The following PAGR1 variants were observed in gnomAD, a reference collection of about 807,000 sequenced individuals.
PAGR1 encodes the protein PAXIP1 associated glutamate rich protein 1, also known as PAXIP1-associated glutamate-rich protein 1.
A neutral mutation model predicts 22.4 loss-of-function variants in PAGR1; 20 were observed. The ratio of observed to expected loss-of-function variants is 0.89; its 90% CI spans 0.63 to 1.30. The LOEUF (loss-of-function observed/expected upper bound fraction) is 1.30, where lower values mean the gene tolerates loss of function less well. Ranked by LOEUF, PAGR1 falls within the 50% of genes most tolerant of loss-of-function variation. PAGR1 has a pLI of 0.00. For missense variants in PAGR1, 338 were observed against 343.6 expected, an observed-to-expected ratio of 0.98 and a Z score of 0.13; for synonymous variants, 161 against 148.3, an observed-to-expected ratio of 1.09 and a Z score of -0.62.
intron 2 of PAGR1, 122 bp downstream of exon 2, chr16:29,817,414 A>T: frequency 3.9e-6 from 3 of 774,086 alleles, no homozygotes; most frequent in Non-Finnish European, 4.3e-6. Context: ...GCTGCAGGAG[A>T]GAGTATTCAC....
Position 29,819,851 on chromosome 16 carries a change from G to C in PAGR1, c.*97G>C. On this transcript the variant is annotated 3_prime_UTR_variant, in exon 3 of 3. Transcript: ENST00000320330. The stretch of plus-strand genomic sequence containing the variant: ...GACATTGAGAAACTTGGGAAGAAGA[G>C]AGAAACCTCAAGCTCCCAAACAGCA... 1.5e-6 allele frequency: 2 copies of C among 1,348,484 alleles called. No homozygotes were observed. Among genetic ancestry groups the C allele is most frequent in the Non-Finnish European group, 2.0e-6 (2 of 1,003,598 alleles). 83.5% of individuals were successfully genotyped at this position (1,348,484 alleles called of 1,614,324 possible). A position where few individuals can be genotyped will look rare whatever the true frequency, so the allele number is the denominator to read the frequency against.
Position 29,820,101 on chromosome 16 carries a change from GCTATCATCT to G in PAGR1, c.*350_*358del, listed in dbSNP as rs1438140634. On this transcript the variant is annotated 3_prime_UTR_variant, in exon 3 of 3. Coordinates refer to ENST00000320330, the MANE Select transcript of PAGR1 (RefSeq NM_024516.4). ...CTGAGTCTGAAATAAAAGATGCAGA[GCTATCATCT>G]CTTAAAAGGAGGGGCTGTAGCTGTA... 1 of 225,378 alleles carries G rather than the reference GCTATCATCT, an allele frequency of 4.4e-6. No individual in the cohort carries two copies. The allele number at this position is 225,378 out of a possible 1,614,324, so 14.0% of individuals were successfully genotyped here. A position where few individuals can be genotyped will look rare whatever the true frequency, so the allele number is the denominator to read the frequency against.
intron 2 of PAGR1, 156 bp from the exon 3 acceptor site, chr16:29,819,399 C>G: frequency 1.4e-6 from 1 of 705,062 alleles, no homozygotes; most frequent in Non-Finnish European, 2.5e-6. Context: ...TGCTTCTCAC[C>G]CTCTCTGAGG....
chr16:29,817,645 T>C (rs1900278246), intron 2 of PAGR1, among the ~76,000 whole-genome samples: 1 of 151,886 alleles, frequency 6.6e-6, no homozygotes, highest in Non-Finnish European at 1.5e-5. Flanking sequence ...GGCCAATTTT[T>C]GTATTTTTAG....
chr16:29,822,224 T>G lies in PAGR1; in HGVS notation c.*2470T>G, dbSNP rs2067368048. On this transcript the variant is annotated 3_prime_UTR_variant, in exon 3 of 3. Transcript: ENST00000320330. ...CTAGGCGGTTCTTGCCTCTGGTGAC[T>G]GGTGTTAATTGGCAGGAGTGGGAGG... Among the ~76,000 whole-genome samples, 1 of 151,452 alleles carries G rather than the reference T, an allele frequency of 6.6e-6. No homozygotes were observed. Among genetic ancestry groups the G allele is most frequent in the African/African-American group, 2.4e-5 (1 of 41,200 alleles).
At chr16:29,818,745 TAG>T (rs936154433) in intron 2 of PAGR1, among the ~76,000 whole-genome samples, 8 of 151,874 alleles carry the variant, frequency 5.3e-5, no homozygotes, top group Admixed American at 5.2e-4. Flanking sequence ...TATTTTCTAG[TAG>T]AGAGGGGGTT....
chr16:29,819,760 A>G lies in PAGR1; in HGVS notation c.*6A>G. On this transcript the variant is annotated 3_prime_UTR_variant, in exon 3 of 3. Coordinates refer to ENST00000320330, the MANE Select transcript of PAGR1 (RefSeq NM_024516.4). ...CTCGGCAGCGGAAATACTGATTCCC[A>G]CTGCTCCTGCCTCTAGGGTGCAGTG... The G allele has an allele frequency of 6.2e-7, 1 of 1,605,564 alleles. No individual in the cohort carries two copies. The highest frequency in any genetic ancestry group is 8.5e-7 in the Non-Finnish European group (1 of 1,173,886).
Position 29,816,490 on chromosome 16 carries a change from G to T in PAGR1, c.-36G>T. On this transcript the variant is annotated 5_prime_UTR_variant, in exon 1 of 3. Transcript: ENST00000320330. ...TGGGGGACCCTGGCTTCGGACTCCA[G>T]TATCTGTCGTCGCAGGGTCCCTGCC... The T allele has an allele frequency of 6.8e-7, 1 of 1,460,256 alleles. No individual in the cohort carries two copies. Among genetic ancestry groups the T allele is most frequent in the Non-Finnish European group, 9.0e-7 (1 of 1,105,058 alleles). The allele number at this position is 1,460,256 out of a possible 1,614,324, so 90.5% of individuals were successfully genotyped here.
At chr16:29,819,508 T>C (rs11864180) in intron 2 of PAGR1, 47 bp from the exon 3 acceptor site, 229,034 of 1,598,482 alleles carry the variant, frequency 0.14, 17,523 homozygotes, top group African/African-American at 0.24. Flanking sequence ...AGGTATGGTG[T>C]ACACCACCTC....
At chr16:29,817,813 G>T (rs1006726294) in intron 2 of PAGR1, among the ~76,000 whole-genome samples, 1 of 151,926 alleles carries the variant, frequency 6.6e-6, no homozygotes, top group East Asian at 1.9e-4. Context: ...CAAAAAATTA[G>T]CCGGGCATAG....
Position 29,820,048 on chromosome 16 carries a change from AC to A in PAGR1, c.*296del. On this transcript the variant is annotated 3_prime_UTR_variant, in exon 3 of 3. Coordinates refer to ENST00000320330, the MANE Select transcript of PAGR1 (RefSeq NM_024516.4). The stretch of plus-strand genomic sequence containing the variant: ...TGTGAGTGTGTGTTTTCTATTGAAC[AC>A]CTATTCAGAGACCTGGACTGAATTT... 3.0e-6 allele frequency: 1 copy of A among 338,724 alleles called. No individual in the cohort carries two copies. Among genetic ancestry groups the A allele is most frequent in the Non-Finnish European group, 5.4e-6 (1 of 184,380 alleles). The allele number at this position is 338,724 out of a possible 1,614,324, so 21.0% of individuals were successfully genotyped here. A position where few individuals can be genotyped will look rare whatever the true frequency, so the allele number is the denominator to read the frequency against.
rs764111304 is a variant in PAGR1, at chr16:29,816,418, C to T, written c.-108C>T. On this transcript the variant is annotated 5_prime_UTR_variant, in exon 1 of 3. Coordinates refer to ENST00000320330, the MANE Select transcript of PAGR1 (RefSeq NM_024516.4). ...CTGGCCGCGGAGTCCCCTGCGGGAG[C>T]GTGATTGGCTGGAAACGGTCCCGAA... 2.5e-5 allele frequency: 29 copies of T among 1,161,180 alleles called. No individual in the cohort carries two copies. The highest frequency in any genetic ancestry group is 6.3e-5 in the African/African-American group (4 of 63,180). The allele number at this position is 1,161,180 out of a possible 1,614,324, so 71.9% of individuals were successfully genotyped here. A position where few individuals can be genotyped will look rare whatever the true frequency, so the allele number is the denominator to read the frequency against.
At chr16:29,817,416 A>G (rs1900273218) in intron 2 of PAGR1, 124 bp downstream of exon 2, 5 of 738,970 alleles carry the variant, frequency 6.8e-6, no homozygotes, top group South Asian at 4.5e-5. Flanking sequence ...TGCAGGAGAG[A>G]GTATTCACCC....
At chr16:29,819,122 A>G (rs530331087) in intron 2 of PAGR1, among the ~76,000 whole-genome samples, 76 of 151,860 alleles carry the variant, frequency 5.0e-4, no homozygotes, top group Non-Finnish European at 9.9e-4. Flanking sequence ...CAGCCTCCCA[A>G]GTAGCTGGGA....
In PAGR1 at chr16:29,816,819, G is replaced by A. The variant is rs1292809298; in HGVS notation, c.294G>A (p.Leu98=). Residue 98 remains leucine, a synonymous_variant, in exon 1 of 3, where the codon CTG becomes CTA. Coordinates refer to ENST00000320330, the MANE Select transcript of PAGR1 (RefSeq NM_024516.4). ...CVPCSDEEVE[L]PADGQPWMPP... ...CCTGCAGCGACGAGGAGGTGGAGCT[G>A]CCTGCGGATGGGCAGCCCTGGATGC... The A allele has an allele frequency of 7.7e-6, 12 of 1,564,788 alleles. No individual in the cohort carries two copies. Among genetic ancestry groups the A allele is most frequent in the Non-Finnish European group, 1.0e-5 (12 of 1,155,330 alleles).
intron 2 of PAGR1, chr16:29,817,983 T>A (rs1201364588): frequency 6.6e-6 from 1 of 152,142 alleles, no homozygotes; most frequent in African/African-American, 2.4e-5. Flanking sequence ...CAGATAATTC[T>A]TTTTTTAAAA....
chr16:29,816,969 C>T lies in PAGR1; in HGVS notation c.444C>T (p.Ser148=), dbSNP rs1203164262. ...AGGCCCAGAGCGAAGAGGAGAGATC[C>T]GATGAGGAGCCGGAGGCCAAAGAAG... ...TPEAQSEEER[S]DEEPEAKEEE... The change falls in exon 1 of 3, where the codon TCC becomes TCT. Residue 148 remains serine, a synonymous_variant. Transcript: ENST00000320330. 2 of 1,569,740 alleles carry T rather than the reference C, an allele frequency of 1.3e-6. No individual in the cohort carries two copies. Among genetic ancestry groups the T allele is most frequent in the Non-Finnish European group, 1.7e-6 (2 of 1,159,744 alleles).
rs1900240702 is a variant in PAGR1, at chr16:29,816,191, A to C, written c.-335A>C. ...TCTGACTTGACGTGGCCCACAACTGAAAGGTCTGGGGAGAAGGCGCCGTGT... is the reference window on the plus strand; with the variant it reads ...TCTGACTTGACGTGGCCCACAACTGCAAGGTCTGGGGAGAAGGCGCCGTGT... On this transcript the variant is annotated 5_prime_UTR_variant, in exon 1 of 3. Coordinates refer to ENST00000320330, the MANE Select transcript of PAGR1 (RefSeq NM_024516.4). The C allele has an allele frequency of 2.7e-6, 1 of 372,126 alleles. No homozygotes were observed. Among genetic ancestry groups the C allele is most frequent in the Non-Finnish European group, 4.8e-6 (1 of 209,124 alleles). The allele number at this position is 372,126 out of a possible 1,614,324, so 23.1% of individuals were successfully genotyped here.
At position 29,819,974 on chromosome 16, in the gene PAGR1, A is replaced by G. The variant is rs1244800152; in HGVS notation, c.*220A>G. The G allele has an allele frequency of 7.3e-6, 4 of 551,470 alleles. No individual in the cohort carries two copies. The Admixed American group carries it at 9.9e-5, about 14-fold the overall frequency. The allele number at this position is 551,470 out of a possible 1,614,324, so 34.2% of individuals were successfully genotyped here. On this transcript the variant is annotated 3_prime_UTR_variant, in exon 3 of 3. Coordinates refer to ENST00000320330, the MANE Select transcript of PAGR1 (RefSeq NM_024516.4). ...TGTGTGTGTTTTCTATTGAACACCTATAGAGAGAGTGTGTGTGTTTTCTAT... is the reference window on the plus strand; with the variant it reads ...TGTGTGTGTTTTCTATTGAACACCTGTAGAGAGAGTGTGTGTGTTTTCTAT...
Sources: gnomAD v4.1 joint callset for allele counts (sites outside exome capture counted in the v4.1 genomes callset) on GRCh38, gnomAD v4.1.1 for gene constraint, MANE v1.5 for transcripts, NCBI Gene and HGNC (gene_info 2026-07-23, HGNC 2026-07-21) for gene names.